Variants in TANGO6 observed in about 807,000 individuals in gnomAD.
The protein encoded by TANGO6 is transport and golgi organization 6 homolog, also known as transport and Golgi organization protein 6 homolog.
A neutral mutation model predicts 114.2 loss-of-function variants in TANGO6; 90 were observed. The ratio of observed to expected loss-of-function variants is 0.79; its 90% CI spans 0.66 to 0.94. TANGO6 has a LOEUF of 0.94. Among genes scored for constraint, TANGO6 ranks in the 40% least tolerant of loss-of-function variants. The pLI is 0.00. For missense variants in TANGO6, 1,274 were observed against 1,315.3 expected (o/e 0.97, Z 0.49); for synonymous variants, 477 against 509.8 (o/e 0.94, Z 0.87).
chr16:69,014,442 G>A lies in TANGO6; in HGVS notation c.2843-8386G>A, dbSNP rs75539028. ...TAAAGCAAAGGGAGATGTCCACCAC[G>A]ATTCACTTAGACCAATGGAAACTGT... On this transcript the variant is annotated intron_variant, in intron 15 of 17. Coordinates refer to ENST00000261778, the MANE Select transcript of TANGO6 (RefSeq NM_024562.2). Among the ~76,000 whole-genome samples, 1,443 of 152,276 alleles carry A rather than the reference G, an allele frequency of 9.5e-3. 22 individuals carry two copies. The highest frequency in any genetic ancestry group is 0.033 in the African/African-American group (1,368 of 41,546).
intron 1 of TANGO6, among the ~76,000 whole-genome samples, chr16:68,844,045 G>A (rs1961766897): frequency 2.0e-5 from 3 of 152,140 alleles, no homozygotes; most frequent in Admixed American, 2.0e-4. Context: ...GCTCCAGAGA[G>A]GGTAGGGCGC....
intron 14 of TANGO6, among the ~76,000 whole-genome samples, chr16:68,953,418 G>A (rs1463268475): frequency 1.3e-5 from 2 of 152,166 alleles, no homozygotes; most frequent in Non-Finnish European, 2.9e-5. Context: ...ATGTTTGAGG[G>A]TGCTGTGCAA....
intron 6 of TANGO6, among the ~76,000 whole-genome samples, chr16:68,879,982 T>A (rs557090388): frequency 5.4e-5 from 8 of 149,072 alleles, no homozygotes; most frequent in Non-Finnish European, 7.4e-5. Flanking sequence ...TGAAAAAAAA[T>A]TTTTTTTTGA....
chr16:69,075,120 G>A (rs1233712757), intron 17 of TANGO6, among the ~76,000 whole-genome samples: 2 of 151,578 alleles, frequency 1.3e-5, no homozygotes, highest in African/African-American at 2.4e-5. Context: ...ACAGATTACA[G>A]GTATAAGCCA....
chr16:69,043,283 A>AGTGTGTGTGTGTGT (rs57443398), intron 17 of TANGO6, among the ~76,000 whole-genome samples: 24 of 146,752 alleles, frequency 1.6e-4, no homozygotes, highest in African/African-American at 6.1e-4. Flanking sequence ...AGACAGAGCG[A>AGTGTGTGTGTGTGT]GTGTGTGTGT....
At chr16:68,843,812 G>A (rs1961761800) in intron 1 of TANGO6, 101 bp downstream of exon 1, 2 of 1,135,142 alleles carry the variant, frequency 1.8e-6, no homozygotes, top group Non-Finnish European at 2.6e-6. Context: ...CCTTAGGCCC[G>A]CCTCGGGACC....
chr16:68,888,062 T>C (rs1962562509), intron 7 of TANGO6, among the ~76,000 whole-genome samples: 1 of 152,188 alleles, frequency 6.6e-6, no homozygotes, highest in South Asian at 2.1e-4. Context: ...CACATGTAGG[T>C]GCATTCATAG....
At chr16:69,043,129 G>A (rs1441598447) in intron 17 of TANGO6, among the ~76,000 whole-genome samples, 1 of 152,114 alleles carries the variant, frequency 6.6e-6, no homozygotes, top group Non-Finnish European at 1.5e-5. Context: ...GGGAGGCTGA[G>A]GCAGGAGAAT....
intron 9 of TANGO6, 41 bp from the exon 10 acceptor site, chr16:68,907,402 T>G: frequency 6.5e-7 from 1 of 1,530,716 alleles, no homozygotes; most frequent in Middle Eastern, 1.8e-4. Flanking sequence ...TATGTGTATC[T>G]CTGGTGACAC....
intron 14 of TANGO6, among the ~76,000 whole-genome samples, chr16:68,938,685 G>A (rs954501909): frequency 6.6e-6 from 1 of 151,946 alleles, no homozygotes; most frequent in Non-Finnish European, 1.5e-5. Context: ...ACCTGTTCTG[G>A]TTGTCTCTGT....
intron 1 of TANGO6, among the ~76,000 whole-genome samples, chr16:68,859,538 T>C (rs146077941): frequency 7.1e-4 from 108 of 152,328 alleles, no homozygotes; most frequent in African/African-American, 2.6e-3. Context: ...GCATGTTCTA[T>C]GGTAAATGTT....
chr16:69,006,298 T>C (rs1964091580), intron 15 of TANGO6, among the ~76,000 whole-genome samples: 1 of 152,224 alleles, frequency 6.6e-6, no homozygotes, highest in African/African-American at 2.4e-5. Context: ...CAGGGCTGTG[T>C]TTCTTATCAG....
At chr16:68,985,305 G>A (rs562301182) in intron 15 of TANGO6, among the ~76,000 whole-genome samples, 4 of 152,138 alleles carry the variant, frequency 2.6e-5, no homozygotes, top group Non-Finnish European at 5.9e-5. Context: ...TACTGATTAT[G>A]ACAAGTGTTC....
chr16:69,060,119 G>A (rs1960092447), intron 17 of TANGO6, among the ~76,000 whole-genome samples: 1 of 152,078 alleles, frequency 6.6e-6, no homozygotes. Context: ...TGATGAGTTT[G>A]TATTAATCCT....
At chr16:68,940,637 G>T (rs1963343729) in intron 14 of TANGO6, among the ~76,000 whole-genome samples, 1 of 150,836 alleles carries the variant, frequency 6.6e-6, no homozygotes, top group Non-Finnish European at 1.5e-5. Context: ...CACAAAACTT[G>T]TTTATAAAAA....
intron 11 of TANGO6, among the ~76,000 whole-genome samples, chr16:68,918,460 T>C (rs1222032716): frequency 6.6e-6 from 1 of 152,224 alleles, no homozygotes; most frequent in Non-Finnish European, 1.5e-5. Flanking sequence ...AGATTTTTCA[T>C]GTTATCTTCG....
At chr16:69,009,300 C>T (rs1353145860) in intron 15 of TANGO6, among the ~76,000 whole-genome samples, 3 of 151,770 alleles carry the variant, frequency 2.0e-5, no homozygotes, top group Non-Finnish European at 4.4e-5. Flanking sequence ...AGGCTGGTCT[C>T]GAACTCCTGA....
chr16:69,028,856 CAAAAAAAAA>C (rs397761274), intron 16 of TANGO6, among the ~76,000 whole-genome samples: 1 of 65,572 alleles, frequency 1.5e-5, no homozygotes, highest in East Asian at 5.7e-4. Context: ...CCCAGTTTAA[CAAAAAAAAA>C]AAAAAAAAAG....
chr16:69,056,228 G>A (rs999263434), intron 17 of TANGO6, among the ~76,000 whole-genome samples: 4 of 152,022 alleles, frequency 2.6e-5, no homozygotes, highest in Admixed American at 2.6e-4. Flanking sequence ...AGATCTACAT[G>A]TGTTAGAATT....
Sources: allele counts gnomAD v4.1 joint callset (sites outside exome capture counted in the v4.1 genomes callset), GRCh38; gene constraint gnomAD v4.1.1; transcripts MANE v1.5; gene names NCBI Gene and HGNC (gene_info 2026-07-23, HGNC 2026-07-21).